The following GATAD2A variants were observed in gnomAD, a reference collection of about 807,000 sequenced individuals.
GATAD2A encodes transcriptional repressor p66-alpha.
In GATAD2A, 12 loss-of-function variants were observed where a neutral mutation model predicts 68.5. That is an observed-to-expected ratio of 0.18 (90% confidence interval 0.11 to 0.28). The LOEUF (loss-of-function observed/expected upper bound fraction) is 0.28, where lower values mean the gene tolerates loss of function less well. GATAD2A is among the 10% of genes least tolerant of loss of function. The pLI, the probability that GATAD2A is intolerant of heterozygous loss-of-function variation, is 1.00. For missense variants in GATAD2A, 755 were observed against 868.5 expected, an observed-to-expected ratio of 0.87 and a Z score of 1.64; for synonymous variants, 410 against 375.3, an observed-to-expected ratio of 1.09 and a Z score of -1.07.
chr19:19,502,348 C>G lies in GATAD2A; in HGVS notation c.1596C>G (p.Ser532=). 6.2e-7 allele frequency: 1 copy of G among 1,611,854 alleles called. No individual in the cohort carries two copies. Among genetic ancestry groups the G allele is most frequent in the African/African-American group, 1.3e-5 (1 of 75,024 alleles). ...GAVLQASSQL[S]RGSATTPRGV... ...CACTGCAGGCCTCCAGCCAGCTGTC[C>G]CGGGGTTCGGCCACGACGCCCCGAG... The change falls in exon 11 of 12, where the codon TCC becomes TCG. Residue 532 remains serine (S), a synonymous_variant. Coordinates refer to ENST00000683918, the MANE Select transcript of GATAD2A (RefSeq NM_001384528.1).
At chr19:19,498,745 G>A (rs1422877849) in intron 8 of GATAD2A, 23 bp downstream of exon 8, 1 of 1,583,156 alleles carries the variant, frequency 6.3e-7, no homozygotes, top group South Asian at 1.1e-5. Flanking sequence ...GACCCAGCCG[G>A]GCTGCTTCCG....
chr19:19,461,280 G>A (rs2057407960), intron 1 of GATAD2A, among the ~76,000 whole-genome samples: 1 of 152,198 alleles, frequency 6.6e-6, no homozygotes, highest in African/African-American at 2.4e-5. Context: ...GGCATTTTAT[G>A]GTAGAGTTAG....
chr19:19,505,441 C>T lies in GATAD2A; in HGVS notation c.1872C>T (p.Pro624=), dbSNP rs1041687551. 37 of 1,608,238 alleles carry T rather than the reference C, an allele frequency of 2.3e-5. No homozygotes were observed. The highest frequency in any genetic ancestry group is 3.1e-5 in the Non-Finnish European group (36 of 1,177,152). The change falls in exon 12 of 12, where the codon CCC becomes CCT. Residue 624 remains proline (P), a synonymous_variant. Coordinates refer to ENST00000683918, the MANE Select transcript of GATAD2A (RefSeq NM_001384528.1). ...QREYLLDMIP[P]RSIPQSATWK is the part of the protein sequence containing the mutation. ...AGTACCTCCTGGACATGATCCCACC[C>T]CGCTCCATCCCCCAGTCAGCCACGT...
rs754092111 is a variant in GATAD2A, at chr19:19,496,115, G to T, written c.820G>T (p.Ala274Ser). Residue 274 changes from alanine (A) to serine (S), a missense_variant, in exon 7 of 12, where the codon GCG becomes TCG. Transcript: ENST00000683918. Reference sequence around the variant, plus strand: ...ACCGCCCCTCCTCCTGGCCCCCCGGGCGTCGGTGCCCAGTGTGCAGATTCA... The same window carrying T: ...ACCGCCCCTCCTCCTGGCCCCCCGGTCGTCGGTGCCCAGTGTGCAGATTCA... ...GPPPLLLAPR[A>S]SVPSVQIQGQ... The T allele has an allele frequency of 2.5e-6, 4 of 1,613,704 alleles. No individual in the cohort carries two copies. The highest frequency in any genetic ancestry group is 2.2e-5 in the South Asian group (2 of 91,078).
chr19:19,505,520 G>A lies in GATAD2A; in HGVS notation c.*46G>A. ...AGACGGGCTCCCTCCTCCCCCACCT[G>A]GCCCCTGGTCTAGAAGGACCCACTG... On this transcript the variant is annotated 3_prime_UTR_variant, in exon 12 of 12. Coordinates refer to ENST00000683918, the MANE Select transcript of GATAD2A (RefSeq NM_001384528.1). 6.5e-7 allele frequency: 1 copy of A among 1,527,438 alleles called. No individual in the cohort carries two copies. Among genetic ancestry groups the A allele is most frequent in the Non-Finnish European group, 8.8e-7 (1 of 1,135,602 alleles). 94.6% of individuals were successfully genotyped at this position (1,527,438 alleles called of 1,614,324 possible). A position where few individuals can be genotyped will look rare whatever the true frequency, so the allele number is the denominator to read the frequency against.
upstream of GATAD2A, among the ~76,000 whole-genome samples, chr19:19,401,309 G>A (rs1272590638): frequency 1.3e-5 from 2 of 150,350 alleles, no homozygotes; most frequent in Non-Finnish European, 3.0e-5. Context: ...CGCCTCCCGG[G>A]TTCACGCCAA....
At chr19:19,503,621 CGGT>C (rs2060689262) in intron 11 of GATAD2A, among the ~76,000 whole-genome samples, 4 of 149,770 alleles carry the variant, frequency 2.7e-5, no homozygotes. Context: ...CATGTGGGCA[CGGT>C]GGTGGAAGTC....
chr19:19,434,624 G>A (rs2054115907), intron 1 of GATAD2A, among the ~76,000 whole-genome samples: 1 of 152,198 alleles, frequency 6.6e-6, no homozygotes, highest in African/African-American at 2.4e-5. Context: ...ACACTATTTG[G>A]CAAGCTACAA....
chr19:19,393,898 T>C (rs2049029044), intron 1 of GATAD2A, among the ~76,000 whole-genome samples: 1 of 151,874 alleles, frequency 6.6e-6, no homozygotes, highest in East Asian at 1.9e-4. Context: ...GTTTCTTTTT[T>C]TTTTTTTGGA....
Position 19,502,369 on chromosome 19 carries a change from C to G in GATAD2A, c.1617C>G (p.Pro539=), listed in dbSNP as rs1336613255. The G allele has an allele frequency of 2.5e-6, 4 of 1,613,490 alleles. No homozygotes were observed. Among genetic ancestry groups the G allele is most frequent in the Non-Finnish European group, 3.4e-6 (4 of 1,179,836 alleles). ...TGTCCCGGGGTTCGGCCACGACGCC[C>G]CGAGGTGTCCTGCACACGTTCAGTC... The part of the protein sequence containing the change: ...SQLSRGSATT[P]RGVLHTFSPS... The change falls in exon 11 of 12, where the codon CCC becomes CCG. Residue 539 remains proline (P), a synonymous_variant. Coordinates refer to ENST00000683918, the MANE Select transcript of GATAD2A (RefSeq NM_001384528.1).
chr19:19,386,576 C>A (rs12232861), intron 1 of GATAD2A, among the ~76,000 whole-genome samples: 2 of 151,772 alleles, frequency 1.3e-5, no homozygotes, highest in African/African-American at 4.8e-5. Flanking sequence ...TCTAGGGGAA[C>A]GCTGCCTCTC....
intron 1 of GATAD2A, among the ~76,000 whole-genome samples, chr19:19,410,656 C>G (rs1198595584): frequency 6.6e-6 from 1 of 152,166 alleles, no homozygotes; most frequent in South Asian, 2.1e-4. Context: ...CACAGCAGCT[C>G]CTCCTGTGCC....
At chr19:19,492,251 G>A in intron 2 of GATAD2A, 55 bp from the exon 3 acceptor site, 1 of 1,553,648 alleles carries the variant, frequency 6.4e-7, no homozygotes, top group Non-Finnish European at 8.7e-7. Context: ...CACAGGGGTG[G>A]GCACTGGGTC....
chr19:19,461,488 A>G (rs948479540), intron 1 of GATAD2A, among the ~76,000 whole-genome samples: 2 of 152,184 alleles, frequency 1.3e-5, no homozygotes, highest in East Asian at 3.9e-4. Flanking sequence ...GTTCTAGAAC[A>G]TGTTTTCTGC....
intron 1 of GATAD2A, among the ~76,000 whole-genome samples, chr19:19,462,235 G>A (rs568738811): frequency 3.9e-5 from 6 of 152,342 alleles, no homozygotes; most frequent in South Asian, 2.1e-4. Context: ...CACTAGTCCC[G>A]CTTGCTTCGA....
In GATAD2A at chr19:19,392,079, CTTTTTTTTTT is replaced by C. The variant is rs753791949; in HGVS notation, c.-7+5955_-7+5964del. Among the ~76,000 whole-genome samples the C allele has an allele frequency of 5.9e-3, 637 of 107,106 alleles. 6 individuals are homozygous for C. The highest frequency in any genetic ancestry group is 0.019 in the South Asian group (62 of 3,302). 70.3% of individuals were successfully genotyped at this position (107,106 alleles called of 152,430 possible). On this transcript the variant is annotated intron_variant, in intron 1 of 11. Coordinates refer to the GATAD2A transcript ENST00000360315. The stretch of plus-strand genomic sequence containing the variant: ...TGTGTCTTTTGAATAAGAGTTTTTC[CTTTTTTTTTT>C]TTTTTTTTTTTTTGAGACAGAGTCT...
intron 1 of GATAD2A, among the ~76,000 whole-genome samples, chr19:19,389,439 A>C (rs2048690667): frequency 6.6e-6 from 1 of 152,172 alleles, no homozygotes; most frequent in Admixed American, 6.5e-5. Flanking sequence ...GGTCTTGCTT[A>C]ATTTGAGTCC....
At chr19:19,442,496 G>A (rs574466826) in intron 1 of GATAD2A, among the ~76,000 whole-genome samples, 43 of 152,072 alleles carry the variant, frequency 2.8e-4, no homozygotes, top group Non-Finnish European at 4.3e-4. Flanking sequence ...TGATAGTGAC[G>A]CACGCCTGTA....
chr19:19,417,232 G>C (rs902048722), intron 1 of GATAD2A, among the ~76,000 whole-genome samples: 1 of 152,192 alleles, frequency 6.6e-6, no homozygotes, highest in Non-Finnish European at 1.5e-5. Context: ...TTCTTAGTTG[G>C]TGGGCTGGGA....
Sources: gnomAD v4.1 joint callset for allele counts (sites outside exome capture counted in the v4.1 genomes callset) on GRCh38, gnomAD v4.1.1 for gene constraint, MANE v1.5 for transcripts, NCBI Gene and HGNC (gene_info 2026-07-23, HGNC 2026-07-21) for gene names.